FOXP2: variants seen among roughly 807,000 people sequenced by gnomAD.
The protein encoded by FOXP2 is forkhead box protein P2.
In FOXP2, 12 loss-of-function variants were observed where a neutral mutation model predicts 115.8. That is an observed-to-expected ratio of 0.10 (90% CI 0.07 to 0.17). The LOEUF (loss-of-function observed/expected upper bound fraction) is 0.17. Among genes scored for constraint, FOXP2 ranks in the 10% least tolerant of loss-of-function variants. FOXP2 has a pLI of 1.00. For missense variants in FOXP2, 629 were observed against 843.5 expected (o/e 0.75, Z 3.15); for synonymous variants, 328 against 297.7 (o/e 1.10, Z -1.05).
At chr7:114,457,656 T>C (rs1345220136) in intron 2 of FOXP2, among the ~76,000 whole-genome samples, 1 of 152,192 alleles carries the variant, frequency 6.6e-6, no homozygotes, top group Non-Finnish European at 1.5e-5. Context: ...CCCAGCACTT[T>C]CGGAGGCCAA....
intron 3 of FOXP2, among the ~76,000 whole-genome samples, 193 bp downstream of exon 3, chr7:114,534,899 A>G (rs1017462201): frequency 3.3e-5 from 5 of 151,862 alleles, no homozygotes; most frequent in African/African-American, 1.2e-4. Context: ...TACATTTTAA[A>G]AGTTTACAAG....
At chr7:114,543,785 T>C (rs570846186) in intron 3 of FOXP2, among the ~76,000 whole-genome samples, 7 of 152,214 alleles carry the variant, frequency 4.6e-5, no homozygotes, top group Non-Finnish European at 8.8e-5. Flanking sequence ...CCATAACATC[T>C]GTGAATTTTA....
chr7:114,235,403 TA>T (rs920080575), intron 1 of FOXP2, among the ~76,000 whole-genome samples: 23 of 151,714 alleles, frequency 1.5e-4, no homozygotes, highest in Admixed American at 1.4e-3. Flanking sequence ...TTTTATCACT[TA>T]AAAAAAAGGA....
chr7:114,514,866 C>G (rs1000567524), intron 2 of FOXP2, among the ~76,000 whole-genome samples: 1 of 150,994 alleles, frequency 6.6e-6, no homozygotes, highest in Non-Finnish European at 1.5e-5. Context: ...ATCCCTCCCC[C>G]TTCCCCCCAC....
At chr7:114,686,775 A>G (rs936800517) in intron 16 of FOXP2, among the ~76,000 whole-genome samples, 1 of 152,146 alleles carries the variant, frequency 6.6e-6, no homozygotes, top group African/African-American at 2.4e-5. Context: ...TTATTAAAAT[A>G]TTCTGAGCAC....
Position 114,491,456 on chromosome 7 carries a change from T to A in FOXP2, c.169-43161T>A, listed in dbSNP as rs1408481247. 4.6e-5 allele frequency among the ~76,000 whole-genome samples: 7 copies of A among 152,162 alleles called. No individual in the cohort carries two copies. The East Asian group carries it at 5.8e-4, about 13-fold the overall frequency. ...AAAAATTTTCTCCCATTCTGTAGGT[T>A]GCCTGTTCACTCTGATGGTAGTTTC... On this transcript the variant is annotated intron_variant, in intron 2 of 16. Transcript: ENST00000350908.
intron 1 of FOXP2, among the ~76,000 whole-genome samples, chr7:114,123,363 A>AG (rs1791619913): frequency 6.6e-6 from 1 of 151,396 alleles, no homozygotes; most frequent in Non-Finnish European, 1.5e-5. Flanking sequence ...AAAAAAAAAA[A>AG]AAAAGAAAGA....
At chr7:114,374,887 G>A (rs1792103718) in intron 2 of FOXP2, among the ~76,000 whole-genome samples, 1 of 152,146 alleles carries the variant, frequency 6.6e-6, no homozygotes, top group Non-Finnish European at 1.5e-5. Context: ...TGCTGTAGAA[G>A]TTCATTGGGA....
intron 1 of FOXP2, among the ~76,000 whole-genome samples, chr7:114,146,375 C>T (rs755972575): frequency 3.7e-4 from 57 of 152,290 alleles, no homozygotes; most frequent in Admixed American, 5.9e-4. Flanking sequence ...AGGTTCTAAA[C>T]CTCACCTTTT....
intron 2 of FOXP2, among the ~76,000 whole-genome samples, chr7:114,341,203 T>C (rs563790256): frequency 2.0e-5 from 3 of 151,304 alleles, no homozygotes; most frequent in South Asian, 4.1e-4. Flanking sequence ...CTATCATATA[T>C]TTAGCAGCAG....
chr7:114,661,926 A>G, intron 13 of FOXP2, 139 bp from the exon 14 acceptor site: 1 of 1,067,094 alleles, frequency 9.4e-7, no homozygotes, highest in East Asian at 2.7e-5. Flanking sequence ...TTGTAATATC[A>G]TGCCATATTT....
At chr7:114,581,653 C>A (rs141829173) in intron 3 of FOXP2, among the ~76,000 whole-genome samples, 1 of 152,176 alleles carries the variant, frequency 6.6e-6, no homozygotes, top group Non-Finnish European at 1.5e-5. Flanking sequence ...TTAGGGTTCA[C>A]TCTTGGTGTT....
chr7:114,277,098 A>G (rs1348692082), intron 1 of FOXP2, among the ~76,000 whole-genome samples: 1 of 152,160 alleles, frequency 6.6e-6, no homozygotes. Flanking sequence ...AGAAGTCGGA[A>G]CCCACTGGCA....
Position 114,378,545 on chromosome 7 carries a change from A to G in FOXP2, c.-10-47957A>G, listed in dbSNP as rs116913223. On this transcript the variant is annotated intron_variant, in intron 2 of 17. Coordinates refer to the FOXP2 transcript ENST00000634411. ...CAAAAAATCTAAAAATTAACTAGGC[A>G]TGGTAGTACATTCCTGTGATCCCAG... is the stretch of plus-strand genomic sequence containing the variant. 1.1e-3 allele frequency among the ~76,000 whole-genome samples: 164 copies of G among 151,850 alleles called. 4 individuals are homozygous for G. The East Asian group carries it at 0.027, about 25-fold the overall frequency.
chr7:114,159,737 A>C (rs1055191896), upstream of FOXP2, among the ~76,000 whole-genome samples: 1 of 152,174 alleles, frequency 6.6e-6, no homozygotes, highest in African/African-American at 2.4e-5. Context: ...TAGGAGCCAA[A>C]GGGGCAAGTT....
At chr7:114,551,605 T>G (rs923373828) in intron 3 of FOXP2, among the ~76,000 whole-genome samples, 1 of 152,008 alleles carries the variant, frequency 6.6e-6, no homozygotes, top group African/African-American at 2.4e-5. Context: ...TATTTAAGTA[T>G]GAAAACAAGT....
At chr7:114,457,645 T>C (rs1246686305) in intron 2 of FOXP2, among the ~76,000 whole-genome samples, 1 of 152,156 alleles carries the variant, frequency 6.6e-6, no homozygotes, top group East Asian at 1.9e-4. Context: ...ACGCCTGTAA[T>C]CCCAGCACTT....
At chr7:114,491,710 C>T (rs1242531652) in intron 2 of FOXP2, among the ~76,000 whole-genome samples, 1 of 152,076 alleles carries the variant, frequency 6.6e-6, no homozygotes, top group African/African-American at 2.4e-5. Context: ...TGCTGGATTA[C>T]GTTTATTGAT....
At chr7:114,187,868 C>T (rs761653419) in intron 1 of FOXP2, among the ~76,000 whole-genome samples, 2 of 152,122 alleles carry the variant, frequency 1.3e-5, no homozygotes, top group African/African-American at 2.4e-5. Flanking sequence ...TTTCTTGCAG[C>T]ATCATCACAT....
Sources: allele counts gnomAD v4.1 joint callset (sites outside exome capture counted in the v4.1 genomes callset), GRCh38; gene constraint gnomAD v4.1.1; transcripts MANE v1.5; gene names NCBI Gene and HGNC (gene_info 2026-07-23, HGNC 2026-07-21).